Variants in TMEM245 observed in about 807,000 individuals in gnomAD.
TMEM245 encodes the protein transmembrane protein 245.
In TMEM245, 69 loss-of-function variants were observed where a neutral mutation model predicts 101.2. The observed-to-expected ratio is 0.68, with a 90% CI of 0.56 to 0.83. TMEM245 has a LOEUF of 0.83. Ranked by LOEUF, TMEM245 falls within the 40% of genes least tolerant of loss-of-function variation. The probability of loss-of-function intolerance (pLI) is 0.00; values close to 1 mark genes in which losing one functional copy is unlikely to be tolerated. For missense variants in TMEM245, 1,075 were observed against 1,092.8 expected (o/e 0.98, Z 0.23); for synonymous variants, 537 against 449.8 (o/e 1.19, Z -2.45).
intron 17 of TMEM245, among the ~76,000 whole-genome samples, chr9:109,026,342 A>T (rs999576287): frequency 1.3e-5 from 2 of 152,222 alleles, no homozygotes; most frequent in Non-Finnish European, 2.9e-5. Context: ...ACTGGCAAGG[A>T]GGCCATAACC....
chr9:109,073,844 C>CA (rs1321553176), intron 8 of TMEM245, among the ~76,000 whole-genome samples: 7 of 121,570 alleles, frequency 5.8e-5, no homozygotes, highest in Non-Finnish European at 1.2e-4. Context: ...AAGGAACTAA[C>CA]TTTTTTTTTT....
At chr9:109,109,586 G>A (rs991102943) in intron 1 of TMEM245, among the ~76,000 whole-genome samples, 3 of 151,986 alleles carry the variant, frequency 2.0e-5, no homozygotes, top group South Asian at 2.1e-4. Context: ...AATAATCTTC[G>A]CATCTTAAAA....
chr9:109,016,867 C>T lies in TMEM245; in HGVS notation c.*3593G>A, dbSNP rs1827461545. 6.6e-6 allele frequency: 1 copy of T among 152,124 alleles called. No homozygotes were observed. Among genetic ancestry groups the T allele is most frequent in the Non-Finnish European group, 1.5e-5 (1 of 68,020 alleles). The allele number at this position is 152,124 out of a possible 1,614,324, so 9.4% of individuals were successfully genotyped here. On this transcript the variant is annotated 3_prime_UTR_variant, in exon 18 of 18. Coordinates refer to ENST00000374586, the MANE Select transcript of TMEM245 (RefSeq NM_032012.4). ...CCTATTGTAATATTATTTTAAGGGT[C>T]TTAGGAGGCCCCTCAGAGGAGACTG...
chr9:109,053,162 A>G (rs148527131), intron 12 of TMEM245, among the ~76,000 whole-genome samples: 207 of 152,310 alleles, frequency 1.4e-3, no homozygotes, highest in Non-Finnish European at 2.1e-3. Context: ...GCGGTGGCTC[A>G]CACCTGTAAT....
At chr9:109,101,751 C>A (rs1049893051) in intron 3 of TMEM245, among the ~76,000 whole-genome samples, 3 of 152,198 alleles carry the variant, frequency 2.0e-5, no homozygotes, top group African/African-American at 7.2e-5. Flanking sequence ...ATACAAATAA[C>A]AGCAATCTGG....
intron 7 of TMEM245, among the ~76,000 whole-genome samples, chr9:109,084,837 G>A (rs1288346350): frequency 1.3e-5 from 2 of 152,206 alleles, no homozygotes; most frequent in Non-Finnish European, 2.9e-5. Context: ...ATGTGAGAGT[G>A]TGGGAGTGTT....
chr9:109,083,265 G>A (rs561421088), intron 7 of TMEM245, among the ~76,000 whole-genome samples: 1 of 152,214 alleles, frequency 6.6e-6, no homozygotes, highest in South Asian at 2.1e-4. Context: ...ACAGCAACTC[G>A]GAGAGATAGG....
intron 12 of TMEM245, among the ~76,000 whole-genome samples, chr9:109,055,637 CTTT>C (rs377221189): frequency 2.1e-5 from 3 of 142,720 alleles, no homozygotes; most frequent in Admixed American, 7.0e-5. Flanking sequence ...TTCTTTTTTT[CTTT>C]TTTTTTTTTT....
At position 109,045,055 on chromosome 9, in the gene TMEM245, T is replaced by C. The variant is rs1182181285; in HGVS notation, c.2123+5228A>G. 2.6e-5 allele frequency among the ~76,000 whole-genome samples: 4 copies of C among 152,220 alleles called. No individual in the cohort carries two copies. The East Asian group carries it at 7.7e-4, about 29-fold the overall frequency. On this transcript the variant is annotated intron_variant, in intron 14 of 17. Coordinates refer to ENST00000374586, the MANE Select transcript of TMEM245 (RefSeq NM_032012.4). ...GATTTGAGGCGTGAGCCACCGTACC[T>C]GGCCTCATTTCTTTTGTTGGGAGCA...
At chr9:109,100,773 T>C (rs993077229) in intron 3 of TMEM245, among the ~76,000 whole-genome samples, 1 of 152,244 alleles carries the variant, frequency 6.6e-6, no homozygotes, top group African/African-American at 2.4e-5. Context: ...CAAAGATTTA[T>C]TTGTTTGAGT....
At chr9:109,042,885 G>A (rs1470759235) in intron 14 of TMEM245, among the ~76,000 whole-genome samples, 205 of 124,088 alleles carry the variant, frequency 1.7e-3, no homozygotes, top group African/African-American at 5.9e-3. Context: ...TCAATCTGTC[G>A]CCCAGGCTAG....
intron 1 of TMEM245, among the ~76,000 whole-genome samples, chr9:109,114,806 G>A (rs930974300): frequency 6.6e-6 from 1 of 152,188 alleles, no homozygotes; most frequent in African/African-American, 2.4e-5. Flanking sequence ...TCCACCATGG[G>A]AAGATGCCAA....
At position 109,016,781 on chromosome 9, in the gene TMEM245, C is replaced by G. The variant is rs1827458787; in HGVS notation, c.*3679G>C. On this transcript the variant is annotated 3_prime_UTR_variant, in exon 18 of 18. Coordinates refer to ENST00000374586, the MANE Select transcript of TMEM245 (RefSeq NM_032012.4). ...AAAAAGTACTTGTTTTTAGCTGGAA[C>G]TAGCATTTGGAAGTAATGCTAGCCA... The G allele has an allele frequency of 6.6e-6, 1 of 150,694 alleles. No homozygotes were observed. The highest frequency in any genetic ancestry group is 1.5e-5 in the Non-Finnish European group (1 of 67,906). 9.3% of individuals were successfully genotyped at this position (150,694 alleles called of 1,614,324 possible). A position where few individuals can be genotyped will look rare whatever the true frequency, so the allele number is the denominator to read the frequency against.
At chr9:109,115,702 G>T (rs1830706891) in intron 1 of TMEM245, among the ~76,000 whole-genome samples, 1 of 151,604 alleles carries the variant, frequency 6.6e-6, no homozygotes, top group African/African-American at 2.4e-5. Context: ...GCTAATTTTT[G>T]TATTTTTAGT....
intron 14 of TMEM245, among the ~76,000 whole-genome samples, chr9:109,048,470 T>C (rs1480021279): frequency 6.6e-6 from 1 of 151,790 alleles, no homozygotes; most frequent in African/African-American, 2.4e-5. Flanking sequence ...GGAAGACTAG[T>C]TCCAGACAAT....
At chr9:109,112,843 C>G (rs1353128728) in intron 1 of TMEM245, among the ~76,000 whole-genome samples, 1 of 152,038 alleles carries the variant, frequency 6.6e-6, no homozygotes, top group Non-Finnish European at 1.5e-5. Context: ...TTTGGGAGAC[C>G]AAGATGGGCA....
intron 3 of TMEM245, among the ~76,000 whole-genome samples, chr9:109,099,584 TAA>T (rs1055569964): frequency 5.3e-5 from 8 of 152,322 alleles, no homozygotes; most frequent in African/African-American, 9.6e-5. Flanking sequence ...TCTCTGAGCC[TAA>T]GTTTCTTCAT....
At chr9:109,047,146 C>T (rs534057118) in intron 14 of TMEM245, among the ~76,000 whole-genome samples, 40 of 152,164 alleles carry the variant, frequency 2.6e-4, no homozygotes, top group African/African-American at 8.4e-4. Context: ...ATTCTGAGAA[C>T]CATTAGATTA....
At position 109,038,071 on chromosome 9, in the gene TMEM245, A is replaced by G. The variant is rs1828191734; in HGVS notation, c.2170T>C (p.Tyr724His). The G allele has an allele frequency of 4.3e-6, 7 of 1,613,586 alleles. No homozygotes were observed. Among genetic ancestry groups the G allele is most frequent in the Admixed American group, 1.7e-5 (1 of 59,910 alleles). Residue 724 changes from tyrosine to histidine, a missense_variant, in exon 15 of 18, where the codon TAT (tyrosine) becomes CAT (histidine). This residue lies in a region of TMEM245 where 267 missense variants were observed against 351.3 expected (regional missense o/e 0.76). Coordinates refer to ENST00000374586, the MANE Select transcript of TMEM245 (RefSeq NM_032012.4). ...SLKMAGFYGL[Y>H]TWLTHTMFGI... ...AACATAGTATGAGTCAGCCAGGTAT[A>G]CAATCCATAGAAGCCAGCCATTTTG...
Sources: gnomAD v4.1 joint callset for allele counts (sites outside exome capture counted in the v4.1 genomes callset) on GRCh38, gnomAD v4.1.1 for gene constraint, gnomAD v4.1.1 regional missense constraint, MANE v1.5 for transcripts, NCBI Gene and HGNC (gene_info 2026-07-23, HGNC 2026-07-21) for gene names.